The following C8orf34 variants were observed in gnomAD, a reference collection of about 807,000 sequenced individuals.
The protein encoded by C8orf34 is chromosome 8 open reading frame 34, also known as uncharacterized protein C8orf34.
A neutral mutation model predicts 68.3 loss-of-function variants in C8orf34; 65 were observed. The ratio of observed to expected loss-of-function variants is 0.95; its 90% CI spans 0.78 to 1.17. The LOEUF is 1.17. Among genes scored for constraint, C8orf34 ranks in the 50% most tolerant of loss-of-function variants. The pLI is 0.00. For synonymous variants in C8orf34, 244 were observed against 241.2 expected (o/e 1.01, Z -0.11); for missense variants, 664 against 655.4 (o/e 1.01, Z -0.14).
intron 7 of C8orf34, among the ~76,000 whole-genome samples, chr8:68,614,304 T>C (rs904698355): frequency 1.6e-4 from 25 of 152,306 alleles, no homozygotes; most frequent in African/African-American, 6.0e-4. Context: ...TTAGATCGCA[T>C]TTGTCAATTT....
At chr8:68,799,306 A>C (rs1824264623) in intron 12 of C8orf34, among the ~76,000 whole-genome samples, 2 of 152,186 alleles carry the variant, frequency 1.3e-5, no homozygotes, top group Admixed American at 1.3e-4. Flanking sequence ...TCATTCTTTA[A>C]CCTTGATGGA....
At chr8:68,753,738 T>C (rs1407500486) in intron 10 of C8orf34, among the ~76,000 whole-genome samples, 1 of 152,252 alleles carries the variant, frequency 6.6e-6, no homozygotes, top group Non-Finnish European at 1.5e-5. Context: ...TCCTACAAAT[T>C]ATGTTTTGAA....
At chr8:68,500,873 C>T (rs1486850209) in intron 5 of C8orf34, among the ~76,000 whole-genome samples, 2 of 152,210 alleles carry the variant, frequency 1.3e-5, no homozygotes, top group Admixed American at 6.5e-5. Context: ...AGATACTTCT[C>T]GATCTGAGCT....
At chr8:68,674,298 G>T (rs1371174520) in intron 8 of C8orf34, among the ~76,000 whole-genome samples, 1 of 152,080 alleles carries the variant, frequency 6.6e-6, no homozygotes, top group Non-Finnish European at 1.5e-5. Flanking sequence ...CTCACCAGAT[G>T]AACTAAATAA....
At chr8:68,418,828 G>C (rs200885126) in intron 1 of C8orf34, among the ~76,000 whole-genome samples, 1 of 151,926 alleles carries the variant, frequency 6.6e-6, no homozygotes, top group South Asian at 2.1e-4. Context: ...ACAAAAATCA[G>C]TTCAAGATGG....
intron 8 of C8orf34, among the ~76,000 whole-genome samples, chr8:68,670,304 G>C (rs1819968570): frequency 6.6e-6 from 1 of 152,080 alleles, no homozygotes; most frequent in South Asian, 2.1e-4. Flanking sequence ...ACTCCCTCTG[G>C]AATTTCCTTA....
intron 3 of C8orf34, among the ~76,000 whole-genome samples, chr8:68,461,271 C>A (rs538656867): frequency 7.9e-5 from 12 of 152,128 alleles, no homozygotes; most frequent in Non-Finnish European, 1.8e-4. Context: ...AACAAAGCCT[C>A]CAGGAAATAT....
intron 8 of C8orf34, among the ~76,000 whole-genome samples, chr8:68,641,752 A>C (rs1819018124): frequency 6.6e-6 from 1 of 152,164 alleles, no homozygotes; most frequent in Non-Finnish European, 1.5e-5. Context: ...ATGTTTTTCT[A>C]ATCTATTGAG....
At chr8:68,522,753 T>C (rs1192318154) in intron 6 of C8orf34, among the ~76,000 whole-genome samples, 2 of 151,968 alleles carry the variant, frequency 1.3e-5, no homozygotes, top group African/African-American at 4.8e-5. Flanking sequence ...GGGTGAAAAA[T>C]ATCACGGGAG....
chr8:68,479,211 G>A (rs746347237), intron 4 of C8orf34, among the ~76,000 whole-genome samples: 30 of 152,236 alleles, frequency 2.0e-4, no homozygotes, highest in African/African-American at 3.1e-4. Context: ...TGCAGTGGAC[G>A]GAAGAAGGAA....
chr8:68,341,831 A>G (rs1324549024), intron 1 of C8orf34, among the ~76,000 whole-genome samples: 1 of 152,184 alleles, frequency 6.6e-6, no homozygotes, highest in Non-Finnish European at 1.5e-5. Context: ...AAGCCAATTA[A>G]ATCTCTTTTC....
chr8:68,782,431 C>CTT (rs10539738), intron 11 of C8orf34, among the ~76,000 whole-genome samples: 9 of 138,654 alleles, frequency 6.5e-5, no homozygotes, highest in Non-Finnish European at 7.8e-5. Flanking sequence ...GATTGAGTGT[C>CTT]TTTTTTTTTT....
intron 7 of C8orf34, among the ~76,000 whole-genome samples, chr8:68,618,009 C>G (rs902165390): frequency 6.6e-6 from 1 of 151,820 alleles, no homozygotes; most frequent in African/African-American, 2.4e-5. Context: ...TCTTTTATGC[C>G]TTTTTCTATT....
chr8:68,742,226 C>T (rs1822316332), intron 10 of C8orf34, among the ~76,000 whole-genome samples: 1 of 152,192 alleles, frequency 6.6e-6, no homozygotes, highest in Non-Finnish European at 1.5e-5. Context: ...AGTCCCTGAA[C>T]AGTGCATTTC....
intron 8 of C8orf34, among the ~76,000 whole-genome samples, chr8:68,644,481 T>C (rs1819106794): frequency 6.6e-6 from 1 of 152,124 alleles, no homozygotes; most frequent in African/African-American, 2.4e-5. Context: ...TGAGGGAAGT[T>C]CAAAGAAAGC....
At chr8:68,715,314 T>C (rs949764521) in intron 9 of C8orf34, among the ~76,000 whole-genome samples, 2 of 151,942 alleles carry the variant, frequency 1.3e-5, no homozygotes, top group Non-Finnish European at 2.9e-5. Context: ...GCCAAAGAAA[T>C]AATCAACAGA....
intron 7 of C8orf34, among the ~76,000 whole-genome samples, chr8:68,560,402 C>G (rs752851849): frequency 1.3e-5 from 2 of 152,104 alleles, no homozygotes; most frequent in African/African-American, 2.4e-5. Context: ...GTAGTTTGCT[C>G]TAAAACCAGG....
At chr8:68,478,859 G>T (rs6982509) in intron 4 of C8orf34, among the ~76,000 whole-genome samples, 74,596 of 151,986 alleles carry the variant, frequency 0.49, 19,627 homozygotes, top group East Asian at 0.64. Flanking sequence ...AAGGATTACA[G>T]GTTTCTCCCT....
In C8orf34 at chr8:68,587,397, T is replaced by C. The variant is rs142091575; in HGVS notation, c.1106-52979T>C. Among the ~76,000 whole-genome samples, 62 of 152,242 alleles carry C rather than the reference T, an allele frequency of 4.1e-4. No homozygotes were observed. The East Asian group carries it at 9.3e-3, about 23-fold the overall frequency. On this transcript the variant is annotated intron_variant, in intron 7 of 13. Transcript: ENST00000518698. ...TTGAACTTGCTTTTTCATCTTGTTA[T>C]GTTATGAGTTTATAGAATCTGTGTT...
Sources: allele counts gnomAD v4.1 joint callset (sites outside exome capture counted in the v4.1 genomes callset), GRCh38; gene constraint gnomAD v4.1.1; transcripts MANE v1.5; gene names NCBI Gene and HGNC (gene_info 2026-07-23, HGNC 2026-07-21).